TRAIP: variants seen among roughly 807,000 people sequenced by gnomAD.
TRAIP encodes TRAF interacting protein.
A neutral mutation model predicts 65.0 loss-of-function variants in TRAIP; 37 were observed. The observed-to-expected ratio is 0.57, with a 90% CI of 0.44 to 0.75. The LOEUF (loss-of-function observed/expected upper bound fraction) is 0.75. Among genes scored for constraint, TRAIP ranks in the 30% least tolerant of loss-of-function variants. The pLI is 0.00. For synonymous variants in TRAIP, 187 were observed against 219.1 expected (o/e 0.85, Z 1.29); for missense variants, 481 against 579.4 (o/e 0.83, Z 1.74).
At chr3:49,847,159 G>A (rs1195648971) in intron 3 of TRAIP, among the ~76,000 whole-genome samples, 1 of 151,330 alleles carries the variant, frequency 6.6e-6, no homozygotes, top group Non-Finnish European at 1.5e-5. Flanking sequence ...CAGCCTGGGT[G>A]ACAGAGTGAG....
chr3:49,842,029 C>T (rs1575395078), intron 6 of TRAIP, 90 bp from the exon 7 acceptor site: 1 of 1,052,528 alleles, frequency 9.5e-7, no homozygotes, highest in East Asian at 2.5e-5. Context: ...GCTGCCGTTG[C>T]TAAGGTAACA....
At chr3:49,830,113 G>A in intron 11 of TRAIP, 45 bp from the exon 12 acceptor site, 3 of 1,604,114 alleles carry the variant, frequency 1.9e-6, no homozygotes, top group Middle Eastern at 1.7e-4. Context: ...AGCAAGACAT[G>A]GGGGCAGGTG....
chr3:49,842,914 G>C (rs1174349833), intron 5 of TRAIP, among the ~76,000 whole-genome samples: 2 of 152,184 alleles, frequency 1.3e-5, no homozygotes, highest in Non-Finnish European at 2.9e-5. Context: ...ACAAACCCAG[G>C]CCTCACCATC....
intron 1 of TRAIP, among the ~76,000 whole-genome samples, chr3:49,849,202 G>A (rs1351606918): frequency 6.6e-6 from 1 of 151,080 alleles, no homozygotes; most frequent in East Asian, 1.9e-4. Flanking sequence ...ATAGAGGCAG[G>A]GTCTCACTGT....
intron 1 of TRAIP, among the ~76,000 whole-genome samples, chr3:49,848,715 T>C (rs1001678334): frequency 1.3e-5 from 2 of 152,190 alleles, no homozygotes; most frequent in Non-Finnish European, 1.5e-5. Flanking sequence ...ATAGGAATGT[T>C]TGTAACACAA....
intron 10 of TRAIP, among the ~76,000 whole-genome samples, chr3:49,839,126 T>TC (rs2081814679): frequency 6.6e-6 from 1 of 151,614 alleles, no homozygotes; most frequent in Non-Finnish European, 1.5e-5. Context: ...GAGGCAGAGA[T>TC]TGCAGTGAGC....
At chr3:49,842,207 G>A (rs1225334160) in intron 6 of TRAIP, among the ~76,000 whole-genome samples, 1 of 152,204 alleles carries the variant, frequency 6.6e-6, no homozygotes, top group African/African-American at 2.4e-5. Flanking sequence ...GACCCACCAG[G>A]TCATCTGGCC....
chr3:49,841,404 C>A (rs2108315841), intron 7 of TRAIP, among the ~76,000 whole-genome samples: 1 of 152,296 alleles, frequency 6.6e-6, no homozygotes, highest in Middle Eastern at 3.4e-3. Context: ...GGCCCTCCAC[C>A]CTTCCTGCCA....
chr3:49,834,306 T>C (rs547249594), intron 10 of TRAIP, among the ~76,000 whole-genome samples: 12 of 152,110 alleles, frequency 7.9e-5, no homozygotes, highest in Non-Finnish European at 1.8e-4. Context: ...GTAATCCTAC[T>C]GCAACAAGTA....
intron 10 of TRAIP, among the ~76,000 whole-genome samples, chr3:49,836,030 C>G (rs543407118): frequency 6.6e-6 from 1 of 151,536 alleles, no homozygotes; most frequent in East Asian, 2.0e-4. Flanking sequence ...TAGCACGATT[C>G]TGGCTCACTG....
intron 10 of TRAIP, among the ~76,000 whole-genome samples, chr3:49,839,010 G>A (rs2081812808): frequency 6.6e-6 from 1 of 151,480 alleles, no homozygotes; most frequent in Non-Finnish European, 1.5e-5. Context: ...CCAACATGGT[G>A]AAACCCCGTC....
intron 1 of TRAIP, among the ~76,000 whole-genome samples, chr3:49,855,117 C>CA (rs1263645647): frequency 6.6e-6 from 1 of 151,712 alleles, no homozygotes; most frequent in Non-Finnish European, 1.5e-5. Flanking sequence ...TTTTAATATA[C>CA]AAAAAAAGAA....
At chr3:49,848,085 C>T in intron 2 of TRAIP, 58 bp downstream of exon 2, 1 of 1,592,990 alleles carries the variant, frequency 6.3e-7, no homozygotes, top group Non-Finnish European at 8.6e-7. Flanking sequence ...TTTTCACATT[C>T]CTGCTCTCTG....
chr3:49,833,205 G>C (rs2081751149), intron 10 of TRAIP, among the ~76,000 whole-genome samples: 1 of 152,150 alleles, frequency 6.6e-6, no homozygotes, highest in African/African-American at 2.4e-5. Flanking sequence ...TTGAGGCTCA[G>C]GTTAGGAAAG....
At position 49,847,556 on chromosome 3, in the gene TRAIP, T is replaced by C. The variant is rs2081895839; in HGVS notation, c.209A>G (p.Glu70Gly). The C allele has an allele frequency of 1.2e-6, 2 of 1,612,108 alleles. No homozygotes were observed. The highest frequency in any genetic ancestry group is 2.2e-5 in the South Asian group (2 of 90,592). ...NKLFFDLAQE[E>G]ENVLDAEFLK... ...GAATTCTGCATCCAAGACATTCTCC[T>C]CCTCCTGGGCAAGATCAAAGAAGAG... The change falls in exon 3 of 15, where the codon GAG (glutamate) becomes GGG (glycine). Residue 70 changes from glutamate to glycine, a missense_variant. Coordinates refer to ENST00000331456, the MANE Select transcript of TRAIP (RefSeq NM_005879.3).
intron 10 of TRAIP, among the ~76,000 whole-genome samples, chr3:49,836,771 G>A (rs574593246): frequency 5.9e-5 from 9 of 152,034 alleles, no homozygotes; most frequent in Non-Finnish European, 1.0e-4. Flanking sequence ...GCTGCTATGA[G>A]AACAGTGAAA....
chr3:49,838,038 G>A (rs2081804047), intron 10 of TRAIP, among the ~76,000 whole-genome samples: 1 of 152,132 alleles, frequency 6.6e-6, no homozygotes, highest in Non-Finnish European at 1.5e-5. Context: ...GCTTGGCTAA[G>A]TTTTAAGTTT....
At position 49,829,639 on chromosome 3, in the gene TRAIP, T is replaced by C; in HGVS notation, c.1214A>G (p.Glu405Gly). 6.2e-7 allele frequency: 1 copy of C among 1,614,188 alleles called. No homozygotes were observed. Among genetic ancestry groups the C allele is most frequent in the South Asian group, 1.1e-5 (1 of 91,088 alleles). The part of the protein sequence containing the change: ...GQKQPKRPRS[E>G]SSCSKDVVRT... ...CACCACATCTTTGCTGCAAGAGGACTCTGACCTGGGCCTCTTGGGCTGTTT... is the reference window on the plus strand; with the variant it reads ...CACCACATCTTTGCTGCAAGAGGACCCTGACCTGGGCCTCTTGGGCTGTTT... Residue 405 changes from glutamate to glycine, a missense_variant, in exon 13 of 15, where the codon GAG becomes GGG. Glu to Gly is a moderately conservative substitution (Grantham distance 98, BLOSUM62 -2). Transcript: ENST00000331456.
At chr3:49,841,174 C>G (rs2081836553) in intron 7 of TRAIP, 102 bp from the exon 8 acceptor site, 7 of 958,376 alleles carry the variant, frequency 7.3e-6, no homozygotes, top group African/African-American at 3.2e-5. Flanking sequence ...CCCCTCAACT[C>G]ACTCTCATTC....
Sources: gnomAD v4.1 joint callset for allele counts (sites outside exome capture counted in the v4.1 genomes callset) on GRCh38, gnomAD v4.1.1 for gene constraint, MANE v1.5 for transcripts, NCBI Gene and HGNC (gene_info 2026-07-23, HGNC 2026-07-21) for gene names.